FBN3: variants seen among roughly 807,000 people sequenced by gnomAD.
The protein encoded by FBN3 is fibrillin-3.
Under a neutral mutation model 330.1 loss-of-function variants are expected in FBN3, and 234 were observed. The observed-to-expected ratio is 0.71, with a 90% CI of 0.64 to 0.79. The LOEUF is 0.79. Among genes scored for constraint, FBN3 ranks in the 30% least tolerant of loss-of-function variants. The pLI is 0.00. For synonymous variants in FBN3, 1,458 were observed against 1,517.3 expected (o/e 0.96, Z 0.91); for missense variants, 3,606 against 3,886.9 (o/e 0.93, Z 1.92).
In FBN3 at chr19:8,072,132, G is replaced by C; in HGVS notation, c.8004C>G (p.Leu2668=). ...PQDTPDKEEL[L]SSEACYECKI... Reference sequence around the variant, plus strand: ...TGCATTCGTAGCAGGCTTCAGACGAGAGCAGCTCCTCTTTGTCCGGGGTGT... The same window carrying C: ...TGCATTCGTAGCAGGCTTCAGACGACAGCAGCTCCTCTTTGTCCGGGGTGT... The change falls in exon 63 of 64, where the codon CTC becomes CTG. Residue 2668 remains leucine (L), a synonymous_variant. Transcript: ENST00000600128. 1.9e-6 allele frequency: 3 copies of C among 1,608,834 alleles called. No homozygotes were observed. The highest frequency in any genetic ancestry group is 1.7e-5 in the Admixed American group (1 of 59,310).
Position 8,121,996 on chromosome 19 carries a change from G to A in FBN3, c.3083-610C>T, listed in dbSNP as rs769276027. Among the ~76,000 whole-genome samples the A allele has an allele frequency of 1.3e-5, 2 of 151,868 alleles. No homozygotes were observed. The highest frequency in any genetic ancestry group is 4.8e-5 in the African/African-American group (2 of 41,334). On this transcript the variant is annotated intron_variant, in intron 24 of 63. Coordinates refer to ENST00000600128, the MANE Select transcript of FBN3 (RefSeq NM_032447.5). The surrounding 1 kb of genome is among the most constrained non-coding windows in gnomAD (Gnocchi z 4.5). ...ACTCCTGACCTAAAGCAGTCCACCCGCCTTGGCCTCCCAAAGTGCTAGGAT... is the reference window on the plus strand; with the variant it reads ...ACTCCTGACCTAAAGCAGTCCACCCACCTTGGCCTCCCAAAGTGCTAGGAT...
Position 8,136,092 on chromosome 19 carries a change from G to A in FBN3, c.1466-6C>T, listed in dbSNP as rs151062338. The A allele has an allele frequency of 5.5e-3, 8,828 of 1,613,804 alleles. 51 individuals are homozygous for A. Among genetic ancestry groups the A allele is most frequent in the Middle Eastern group, 0.023 (140 of 6,062 alleles). The stretch of plus-strand genomic sequence containing the variant: ...GACAATGCACTCGTCCACATCTGCG[G>A]GGAAGGCAGGCGGGCAGTCAAGAGG... On this transcript the variant is annotated splice_region_variant and splice_polypyrimidine_tract_variant and intron_variant, in intron 12 of 63. Transcript: ENST00000600128.
rs79313027 is a variant in FBN3, at chr19:8,146,114, G to A, written c.349+13C>T. 2.7e-3 allele frequency: 4,174 copies of A among 1,574,840 alleles called. 100 individuals carry two copies. The African/African-American group carries it at 0.049, about 19-fold the overall frequency. On this transcript the variant is annotated intron_variant, in intron 4 of 63. Transcript: ENST00000600128. ...CTTCTTCTCCCTCCCGCAAGAGGCC[G>A]CTTCCCGCTCACCTCGGCTCACCCC...
rs549092585 is a variant in FBN3, at chr19:8,069,453, A to G, written c.8088+2595T>C. Among the ~76,000 whole-genome samples, 6 of 151,372 alleles carry G rather than the reference A, an allele frequency of 4.0e-5. No individual in the cohort carries two copies. In the South Asian group the frequency reaches 1.1e-3, roughly 27 times the overall value. The stretch of plus-strand genomic sequence containing the variant: ...TGCCGACGGAGTGTTTTGCTGTTGC[A>G]TTCAAGTGAAAGTTATTCCTGTTCC... On this transcript the variant is annotated intron_variant, in intron 63 of 63. Transcript: ENST00000600128.
At chr19:8,072,236 C>A in intron 62 of FBN3, 38 bp from the exon 63 acceptor site, 1 of 1,494,144 alleles carries the variant, frequency 6.7e-7, no homozygotes, top group East Asian at 2.4e-5. Context: ...GTTTCAGAGG[C>A]GGGCTGATGG....
At chr19:8,069,443 T>C (rs1245906447) in intron 63 of FBN3, among the ~76,000 whole-genome samples, 1 of 152,034 alleles carries the variant, frequency 6.6e-6, no homozygotes, top group African/African-American at 2.4e-5. Flanking sequence ...ACGGAGTGTT[T>C]TGCTGTTGCA....
At position 8,083,167 on chromosome 19, in the gene FBN3, C is replaced by T. The variant is rs1201320609; in HGVS notation, c.7213+80G>A. ...AGCCTAACATTGCAAAGTGGAAAGT[C>T]TCAGGGAAGTTGAGTTCAGGGGCTG... On this transcript the variant is annotated intron_variant, in intron 57 of 63. Coordinates refer to ENST00000600128, the MANE Select transcript of FBN3 (RefSeq NM_032447.5). 1.9e-6 allele frequency: 3 copies of T among 1,544,746 alleles called. No homozygotes were observed. The African/African-American group carries it at 4.1e-5, about 21-fold the overall frequency.
intron 63 of FBN3, among the ~76,000 whole-genome samples, chr19:8,069,431 C>T (rs115084112): frequency 1.8e-3 from 280 of 152,202 alleles, no homozygotes; most frequent in African/African-American, 6.2e-3. Context: ...ATTTACATGC[C>T]GACGGAGTGT....
At position 8,136,089 on chromosome 19, in the gene FBN3, G is replaced by C; in HGVS notation, c.1466-3C>G. On this transcript the variant is annotated splice_region_variant and splice_polypyrimidine_tract_variant and intron_variant, in intron 12 of 63. Transcript: ENST00000600128. ...ACTGACAATGCACTCGTCCACATCTGCGGGGAAGGCAGGCGGGCAGTCAAG... is the reference window on the plus strand; with the variant it reads ...ACTGACAATGCACTCGTCCACATCTCCGGGGAAGGCAGGCGGGCAGTCAAG... 6.2e-7 allele frequency: 1 copy of C among 1,613,876 alleles called. No homozygotes were observed. Among genetic ancestry groups the C allele is most frequent in the South Asian group, 1.1e-5 (1 of 91,052 alleles).
Position 8,136,007 on chromosome 19 carries a change from G to A in FBN3, c.1545C>T (p.Val515=), listed in dbSNP as rs138447239. 4.2e-4 allele frequency: 626 copies of A among 1,495,952 alleles called. No homozygotes were observed. The highest frequency in any genetic ancestry group is 5.4e-4 in the Non-Finnish European group (604 of 1,110,382). 92.7% of individuals were successfully genotyped at this position (1,495,952 alleles called of 1,614,324 possible). Residue 515 remains valine, a synonymous_variant, in exon 13 of 64, where the codon GTC becomes GTT. Transcript: ENST00000600128. The part of the protein sequence containing the change: ...CVNTEGSFQC[V]CNAGFELSPD... ...GGCTGAGCTCGAAGCCTGCATTGCAGACACACTGGAAGCTGCCCTCTGTGT... is the reference window on the plus strand; with the variant it reads ...GGCTGAGCTCGAAGCCTGCATTGCAAACACACTGGAAGCTGCCCTCTGTGT...
At chr19:8,106,371 G>C in intron 37 of FBN3, 138 bp from the exon 38 acceptor site, 1 of 747,430 alleles carries the variant, frequency 1.3e-6, no homozygotes, top group East Asian at 2.7e-5. Flanking sequence ...GACATTTAAA[G>C]GGTCTATCTT....
intron 22 of FBN3, among the ~76,000 whole-genome samples, chr19:8,124,556 T>A (rs2082934894): frequency 1.0e-5 from 1 of 97,318 alleles, no homozygotes; most frequent in African/African-American, 4.5e-5. Flanking sequence ...TTTTTTTTTT[T>A]AGACGGAGTC....
In FBN3 at chr19:8,110,861, C is replaced by A; in HGVS notation, c.4317G>T (p.Gly1439=). 18 of 1,614,234 alleles carry A rather than the reference C, an allele frequency of 1.1e-5. No homozygotes were observed. Among genetic ancestry groups the A allele is most frequent in the Non-Finnish European group, 1.4e-5 (17 of 1,180,044 alleles). The change falls in exon 34 of 64, where the codon GGG becomes GGT. Residue 1439 remains glycine, a synonymous_variant. Transcript: ENST00000600128. ...ACCTCACACCTGTGCAGTTGCCACC[C>A]CCTCGGTCCAGTTCGTAGCCACCAT... The part of the protein sequence containing the change: ...ICNGGYELDR[G]GGNCTDINEC...
At chr19:8,130,869 G>A (rs1421341283) in intron 16 of FBN3, among the ~76,000 whole-genome samples, 1 of 151,124 alleles carries the variant, frequency 6.6e-6, no homozygotes, top group Admixed American at 6.6e-5. Flanking sequence ...AAAAGGGTGG[G>A]GGGAGTTTTG....
chr19:8,083,740 AC>A (rs1018425913), intron 56 of FBN3, among the ~76,000 whole-genome samples: 5 of 147,282 alleles, frequency 3.4e-5, no homozygotes, highest in African/African-American at 1.3e-4. Flanking sequence ...ACACTCAGGG[AC>A]TCCCGAGTCT....
chr19:8,146,343 C>T (rs1028211177), intron 3 of FBN3, 118 bp from the exon 4 acceptor site: 16 of 806,264 alleles, frequency 2.0e-5, no homozygotes, highest in Admixed American at 4.3e-5. Context: ...TCTGCATCCC[C>T]GGCTCTGCTC....
Position 8,147,148 on chromosome 19 carries a change from C to A in FBN3, c.206G>T (p.Cys69Phe), listed in dbSNP as rs750438157. 6 of 1,573,046 alleles carry A rather than the reference C, an allele frequency of 3.8e-6. No individual in the cohort carries two copies. The Admixed American group carries it at 7.4e-5, about 19-fold the overall frequency. The change falls in exon 3 of 64, where the codon TGT becomes TTT. Residue 69 changes from cysteine to phenylalanine, a missense_variant. By Grantham distance (205) the Cys-to-Phe change is radical. Coordinates refer to ENST00000600128, the MANE Select transcript of FBN3 (RefSeq NM_032447.5). ...GCCAGGGAATGTCCTCCAGCCTGGA[C>A]AGCAGTAGGCATGGAACCGGGAGCC... ...VCGSRFHAYC[C>F]PGWRTFPGRS...
chr19:8,139,952 GC>G (rs1200139743), intron 8 of FBN3, among the ~76,000 whole-genome samples: 9 of 151,782 alleles, frequency 5.9e-5, no homozygotes, highest in South Asian at 4.2e-4. Flanking sequence ...GCACCTGGGG[GC>G]CCCCCAGGTA....
rs1174051939 is a variant in FBN3, at chr19:8,087,164, T to C, written c.6667A>G (p.Met2223Val). The part of the protein sequence containing the change: ...DGQQDCHARG[M>V]ECKNLIGTFA... ...GTACCGATGAGGTTCTTGCACTCCA[T>C]GCCCCGGGCGTGGCAGTCCTGCTGA... is the stretch of plus-strand genomic sequence containing the variant. Residue 2223 changes from methionine (M) to valine (V), a missense_variant, in exon 54 of 64, where the codon ATG (methionine) becomes GTG (valine). By Grantham distance (21) the Met-to-Val change is conservative. Transcript: ENST00000600128. 2 of 1,608,922 alleles carry C rather than the reference T, an allele frequency of 1.2e-6. No individual in the cohort carries two copies. The highest frequency in any genetic ancestry group is 8.5e-7 in the Non-Finnish European group (1 of 1,178,664).
Sources: gnomAD v4.1 joint callset for allele counts (sites outside exome capture counted in the v4.1 genomes callset) on GRCh38, gnomAD v4.1.1 for gene constraint, Gnocchi (gnomAD v3.1) non-coding constraint, MANE v1.5 for transcripts, NCBI Gene and HGNC (gene_info 2026-07-23, HGNC 2026-07-21) for gene names.